The following FAM133A variants were observed in gnomAD, a reference collection of about 807,000 sequenced individuals.
FAM133A encodes protein FAM133A.
For synonymous variants in FAM133A, 65 were observed against 58.6 expected (o/e 1.11, Z -0.50); for missense variants, 159 against 164.4 (o/e 0.97, Z 0.18).
At chrX:93,680,891 G>A (rs1445353135) in intron 2 of FAM133A, among the ~76,000 whole-genome samples, 1 of 111,365 alleles carries the variant, frequency 9.0e-6, no homozygotes, top group East Asian at 2.8e-4. Context: ...TCCATACGTT[G>A]CCTCTTTACT....
At chrX:93,704,672 T>C (rs1384151828) in intron 3 of FAM133A, among the ~76,000 whole-genome samples, 2 of 112,164 alleles carry the variant, frequency 1.8e-5, no homozygotes, top group Non-Finnish European at 1.9e-5. Context: ...AGAAACTACA[T>C]TGTGAAACAT....
At chrX:93,707,594 C>G (rs919883263) in intron 3 of FAM133A, among the ~76,000 whole-genome samples, 3 of 111,165 alleles carry the variant, frequency 2.7e-5, no homozygotes, top group African/African-American at 9.8e-5. Context: ...TTCCCCCTGC[C>G]CTCTTGATCT....
intron 2 of FAM133A, among the ~76,000 whole-genome samples, chrX:93,680,801 A>T (rs1925091380): frequency 8.9e-6 from 1 of 111,876 alleles, no homozygotes; most frequent in African/African-American, 3.2e-5. Context: ...TTTTAAAATT[A>T]CTGAGTTGTT....
At chrX:93,699,885 C>A (rs1041776959) in intron 3 of FAM133A, among the ~76,000 whole-genome samples, 4 of 110,830 alleles carry the variant, frequency 3.6e-5, no homozygotes, top group Non-Finnish European at 7.6e-5. Flanking sequence ...AGCCTCCCCC[C>A]AGTTTTTAGC....
intron 2 of FAM133A, among the ~76,000 whole-genome samples, chrX:93,678,997 C>A (rs771311016): frequency 9.0e-6 from 1 of 111,694 alleles, no homozygotes; most frequent in East Asian, 2.8e-4. Context: ...CAGATAACAG[C>A]AGTAAAAACC....
At chrX:93,677,248 C>T (rs772574484) in intron 2 of FAM133A, among the ~76,000 whole-genome samples, 1 of 110,360 alleles carries the variant, frequency 9.1e-6, no homozygotes, top group South Asian at 3.8e-4. Flanking sequence ...ACATTAACAT[C>T]TGTTGATACC....
chrX:93,706,679 T>C (rs183519353), intron 3 of FAM133A, among the ~76,000 whole-genome samples: 1 of 112,027 alleles, frequency 8.9e-6, no homozygotes, highest in East Asian at 2.8e-4. Flanking sequence ...GCCTTTGGTC[T>C]AATGTGTCGA....
intron 2 of FAM133A, among the ~76,000 whole-genome samples, chrX:93,675,509 C>T (rs1924624885): frequency 9.0e-6 from 1 of 111,362 alleles, no homozygotes; most frequent in African/African-American, 3.3e-5. Context: ...CCCTTAAATA[C>T]ATACTATTTT....
At chrX:93,690,077 T>C (rs1925789787) in intron 2 of FAM133A, among the ~76,000 whole-genome samples, 1 of 109,778 alleles carries the variant, frequency 9.1e-6, no homozygotes, top group African/African-American at 3.3e-5. Flanking sequence ...GCTGGAGATA[T>C]AGACTTGGGT....
At position 93,679,915 on chromosome X, in the gene FAM133A, A is replaced by AT. The variant is rs376335726; in HGVS notation, c.-193+5206dup. ...AGGTGTGTACCACCACTCCTGGCAA[A>AT]TTTTTTTTTTTTTTTTTTTTTTTTT... is the stretch of plus-strand genomic sequence containing the variant. On this transcript the variant is annotated intron_variant, in intron 2 of 3. Transcript: ENST00000683942. Among the ~76,000 whole-genome samples the AT allele has an allele frequency of 2.9e-3, 179 of 62,380 alleles. 16 individuals are homozygous for AT. The highest frequency in any genetic ancestry group is 5.7e-3 in the African/African-American group (68 of 11,983). 54.2% of individuals were successfully genotyped at this position (62,380 alleles called of 115,157 possible). A position where few individuals can be genotyped will look rare whatever the true frequency, so the allele number is the denominator to read the frequency against.
At chrX:93,702,837 T>TAAAAAAAAAAAAAAAAAAAAAAAA (rs33985910) in intron 3 of FAM133A, among the ~76,000 whole-genome samples, 1 of 43,032 alleles carries the variant, frequency 2.3e-5, no homozygotes, top group Non-Finnish European at 4.0e-5. Context: ...ATAGCTATGA[T>TAAAAAAAAAAAAAAAAAAAAAAAA]AAAAAAAAAA....
At position 93,710,466 on chromosome X, in the gene FAM133A, G is replaced by A. The variant is rs187079919; in HGVS notation, c.*300G>A. On this transcript the variant is annotated 3_prime_UTR_variant, in exon 4 of 4. Transcript: ENST00000683942. ...ATCTAAGGTTAAATGTATCTAATTCGAATACATCTTTGAAATATCACCATC... is the reference window on the plus strand; with the variant it reads ...ATCTAAGGTTAAATGTATCTAATTCAAATACATCTTTGAAATATCACCATC... The A allele has an allele frequency of 2.7e-5, 6 of 219,702 alleles. No homozygotes were observed. Among genetic ancestry groups the A allele is most frequent in the East Asian group, 2.4e-4 (3 of 12,285 alleles). The allele number at this position is 219,702 out of a possible 1,213,427, so 18.1% of individuals were successfully genotyped here. A position where few individuals can be genotyped will look rare whatever the true frequency, so the allele number is the denominator to read the frequency against.
At chrX:93,694,212 A>T (rs1469537256) in intron 2 of FAM133A, among the ~76,000 whole-genome samples, 2 of 111,415 alleles carry the variant, frequency 1.8e-5, no homozygotes, top group Non-Finnish European at 3.8e-5. Context: ...ATATTTTCAT[A>T]TGGAATATCT....
chrX:93,702,065 G>A (rs145365684), intron 3 of FAM133A, among the ~76,000 whole-genome samples: 24 of 111,558 alleles, frequency 2.2e-4, no homozygotes, highest in East Asian at 8.5e-4. Flanking sequence ...AATTCCTGTC[G>A]CGTGCAAAGT....
chrX:93,673,994 A>AG (rs1924492862), upstream of FAM133A: 1 of 106,551 alleles, frequency 9.4e-6, no homozygotes, highest in East Asian at 2.9e-4. Context: ...GCTGTAAAAA[A>AG]AAAAAAAAAA....
rs1924546490 is a variant in FAM133A at position 93,674,738 on chromosome X, A to G, written c.-207A>G. ...GGTACAATAAAAAAGACGAGTATTT[A>G]CTTTTCATTGAAAGGTAAGGATCAT... On this transcript the variant is annotated 5_prime_UTR_variant, in exon 2 of 4. Transcript: ENST00000683942. The G allele has an allele frequency of 1.8e-5, 2 of 111,936 alleles. No homozygotes were observed. Among genetic ancestry groups the G allele is most frequent in the South Asian group, 7.4e-4 (2 of 2,687 alleles). The allele number at this position is 111,936 out of a possible 1,213,427, so 9.2% of individuals were successfully genotyped here.
In FAM133A at chrX:93,694,234, G is replaced by A. The variant is rs190785538; in HGVS notation, c.-192-4163G>A. ...CATATGGAATATCTTTTTTTTTGCA[G>A]TAAACCACTTTGAAAATATTCTCCA... On this transcript the variant is annotated intron_variant, in intron 2 of 3. Transcript: ENST00000683942. Among the ~76,000 whole-genome samples, 145 of 110,523 alleles carry A rather than the reference G, an allele frequency of 1.3e-3. 1 individual carries two copies. Among genetic ancestry groups the A allele is most frequent in the African/African-American group, 4.6e-3 (139 of 30,549 alleles).
At chrX:93,680,443 C>G (rs1430422918) in intron 2 of FAM133A, among the ~76,000 whole-genome samples, 1 of 111,352 alleles carries the variant, frequency 9.0e-6, no homozygotes, top group Non-Finnish European at 1.9e-5. Flanking sequence ...CATTTCATAT[C>G]CTTTGGATAT....
intron 3 of FAM133A, among the ~76,000 whole-genome samples, chrX:93,704,740 T>C (rs1216279779): frequency 8.9e-6 from 1 of 112,135 alleles, no homozygotes; most frequent in African/African-American, 3.2e-5. Flanking sequence ...GTATGTTTCA[T>C]AACAGATGGT....
Sources: gnomAD v4.1 joint callset for allele counts (sites outside exome capture counted in the v4.1 genomes callset) on GRCh38, gnomAD v4.1.1 for gene constraint, MANE v1.5 for transcripts, NCBI Gene and HGNC (gene_info 2026-07-23, HGNC 2026-07-21) for gene names.